SPG21: variants seen among roughly 807,000 people sequenced by gnomAD.
SPG21 encodes the protein SPG21 abhydrolase domain containing, maspardin, also known as maspardin.
Under a neutral mutation model 38.9 loss-of-function variants are expected in SPG21, and 26 were observed. The ratio of observed to expected loss-of-function variants is 0.67; its 90% CI spans 0.49 to 0.93. The LOEUF (loss-of-function observed/expected upper bound fraction) is 0.93, where lower values mean the gene tolerates loss of function less well. Among genes scored for constraint, SPG21 ranks in the 40% least tolerant of loss-of-function variants. The probability of loss-of-function intolerance (pLI) is 0.00; values close to 1 mark genes in which losing one functional copy is unlikely to be tolerated. For missense variants in SPG21, 333 were observed against 376.5 expected (o/e 0.88, Z 0.96); for synonymous variants, 136 against 128.9 (o/e 1.05, Z -0.37).
intron 7 of SPG21, 126 bp downstream of exon 7, chr15:64,969,129 G>T: frequency 1.4e-6 from 1 of 703,472 alleles, no homozygotes; most frequent in South Asian, 1.6e-5. Flanking sequence ...AAAGCTGGAG[G>T]GTAAAAACAA....
chr15:64,965,247 C>T lies in SPG21; in HGVS notation c.810+73G>A, dbSNP rs1397143060. ...GTAGTTCACTGATTCCCTAACTAGT[C>T]CATTAAAAGAAGTCTTTATGTTGCA... On this transcript the variant is annotated intron_variant, in intron 8 of 8. Transcript: ENST00000204566. The T allele has an allele frequency of 1.2e-5, 19 of 1,585,866 alleles. No homozygotes were observed. In the Admixed American group the frequency reaches 3.0e-4, roughly 25 times the overall value.
chr15:64,973,942 A>G (rs2085723899), intron 5 of SPG21, among the ~76,000 whole-genome samples: 1 of 152,230 alleles, frequency 6.6e-6, no homozygotes, highest in Non-Finnish European at 1.5e-5. Context: ...GAATTGGGAA[A>G]AGCCAAATGC....
chr15:64,980,680 G>C (rs2085865901), intron 3 of SPG21, among the ~76,000 whole-genome samples, 184 bp downstream of exon 3: 1 of 152,090 alleles, frequency 6.6e-6, no homozygotes, highest in African/African-American at 2.4e-5. Context: ...GGAGGTTGCA[G>C]TGAGCAGAGA....
rs568885249 is a variant in SPG21 at position 64,986,416 on chromosome 15, C to T, written c.-24-2823G>A. Reference sequence around the variant, plus strand: ...TGTTAAAAAATTTTGCCAGGCGCGGCGGCTCACACCTGTAATCCCAGCAGT... The same window carrying T: ...TGTTAAAAAATTTTGCCAGGCGCGGTGGCTCACACCTGTAATCCCAGCAGT... On this transcript the variant is annotated intron_variant, in intron 1 of 8. Coordinates refer to ENST00000204566, the MANE Select transcript of SPG21 (RefSeq NM_016630.7). Among the ~76,000 whole-genome samples, 463 of 143,864 alleles carry T rather than the reference C, an allele frequency of 3.2e-3. 2 individuals are homozygous for T. The Middle Eastern group carries it at 0.059, about 18-fold the overall frequency. 94.4% of individuals were successfully genotyped at this position (143,864 alleles called of 152,430 possible). A position where few individuals can be genotyped will look rare whatever the true frequency, so the allele number is the denominator to read the frequency against.
rs2086077142 is a variant in SPG21 at position 64,989,734 on chromosome 15, G to A, written c.-94C>T. The A allele has an allele frequency of 6.6e-6, 1 of 152,538 alleles. No individual in the cohort carries two copies. The highest frequency in any genetic ancestry group is 1.5e-5 in the Non-Finnish European group (1 of 68,316). 9.4% of individuals were successfully genotyped at this position (152,538 alleles called of 1,614,324 possible). On this transcript the variant is annotated 5_prime_UTR_variant, in exon 1 of 9. Coordinates refer to ENST00000204566, the MANE Select transcript of SPG21 (RefSeq NM_016630.7). ...GCTCTTCGCTCCAGTACGAGCGCGG[G>A]CCGTGGAGGCGGCTGGGCCCGGGTC... is the stretch of plus-strand genomic sequence containing the variant.
intron 8 of SPG21, among the ~76,000 whole-genome samples, chr15:64,965,051 A>G (rs2085515716): frequency 6.6e-6 from 1 of 152,222 alleles, no homozygotes; most frequent in South Asian, 2.1e-4. Flanking sequence ...GCAAGGTCAC[A>G]TCATACCAAT....
chr15:64,982,483 T>C (rs756550896), intron 2 of SPG21, among the ~76,000 whole-genome samples: 4 of 152,194 alleles, frequency 2.6e-5, no homozygotes, highest in Non-Finnish European at 4.4e-5. Context: ...AGTTTCGCTA[T>C]GTTGCCCAGG....
chr15:64,976,381 C>T (rs771026277), intron 4 of SPG21, 94 bp downstream of exon 4: 51 of 849,288 alleles, frequency 6.0e-5, no homozygotes, highest in Non-Finnish European at 9.4e-5. Context: ...GCCGAGATCG[C>T]GCCACTGCAC....
At position 64,963,552 on chromosome 15, in the gene SPG21, C is replaced by G. The variant is rs1026131268; in HGVS notation, c.*68G>C. On this transcript the variant is annotated 3_prime_UTR_variant, in exon 9 of 9. Coordinates refer to ENST00000204566, the MANE Select transcript of SPG21 (RefSeq NM_016630.7). ...GAACCTGAAGGAAAAGGCTGGCTGA[C>G]GGGTGCTGATGCCACTGACTATACA... is the stretch of plus-strand genomic sequence containing the variant. 7.5e-7 allele frequency: 1 copy of G among 1,332,072 alleles called. No homozygotes were observed. Among genetic ancestry groups the G allele is most frequent in the African/African-American group, 1.4e-5 (1 of 69,352 alleles). 82.5% of individuals were successfully genotyped at this position (1,332,072 alleles called of 1,614,324 possible). A position where few individuals can be genotyped will look rare whatever the true frequency, so the allele number is the denominator to read the frequency against.
At chr15:64,970,088 C>T in intron 6 of SPG21, 26 bp downstream of exon 6, 3 of 1,559,284 alleles carry the variant, frequency 1.9e-6, no homozygotes, top group Non-Finnish European at 2.7e-6. Context: ...TACAATGTGT[C>T]CCCAACCCAA....
In SPG21 at chr15:64,964,639, C is replaced by CT. The variant is rs528465945; in HGVS notation, c.810+680dup. ...GTTTGTTAGGGCTTTCTTTTCTTTT[C>CT]TTTTTTTTTGAGACGGAGTCTTGTT... On this transcript the variant is annotated intron_variant, in intron 8 of 8. Coordinates refer to ENST00000204566, the MANE Select transcript of SPG21 (RefSeq NM_016630.7). Among the ~76,000 whole-genome samples, 1,021 of 134,296 alleles carry CT rather than the reference C, an allele frequency of 7.6e-3. 2 individuals carry two copies. The highest frequency in any genetic ancestry group is 0.012 in the Non-Finnish European group (788 of 66,874). The allele number at this position is 134,296 out of a possible 152,430, so 88.1% of individuals were successfully genotyped here. A position where few individuals can be genotyped will look rare whatever the true frequency, so the allele number is the denominator to read the frequency against.
At chr15:64,981,284 T>A in intron 2 of SPG21, 3 of 348,636 alleles carry the variant, frequency 8.6e-6, no homozygotes, top group Non-Finnish European at 1.1e-5. Flanking sequence ...TTCTTCCCCC[T>A]CCTCCTTTTT....
intron 1 of SPG21, chr15:64,987,322 G>A (rs1478354650): frequency 4.6e-5 from 7 of 152,182 alleles, no homozygotes; most frequent in Non-Finnish European, 7.3e-5. Flanking sequence ...TACATGAAAG[G>A]TAAAATGGAT....
At chr15:64,974,496 G>T in intron 5 of SPG21, 106 bp downstream of exon 5, 1 of 1,345,274 alleles carries the variant, frequency 7.4e-7, no homozygotes, top group Non-Finnish European at 1.0e-6. Flanking sequence ...CAAGGAAGTT[G>T]CAGAATATAG....
chr15:64,981,163 A>G (rs1045550878), intron 2 of SPG21, 138 bp from the exon 3 acceptor site: 1 of 965,276 alleles, frequency 1.0e-6, no homozygotes, highest in South Asian at 1.5e-5. Flanking sequence ...ACACCAGATT[A>G]GCATGCATGA....
In SPG21 at chr15:64,965,452, ATC is replaced by A. The variant is rs1310174585; in HGVS notation, c.676_677del (p.Asp226SerfsTer7). The A allele has an allele frequency of 1.1e-5, 17 of 1,614,094 alleles. No homozygotes were observed. The highest frequency in any genetic ancestry group is 1.4e-5 in the Non-Finnish European group (17 of 1,180,044). ...TAGCTTCAGTTGAAAGCGCACTCTGATCAAACACCTTTAAAAAACACAAAGCT... is the reference window on the plus strand; with the variant it reads ...TAGCTTCAGTTGAAAGCGCACTCTGAAAACACCTTTAAAAAACACAAAGCT... ...DIPVTIMDVFDQSALSTEAKE... is the reference protein window; with the variant it reads ...DIPVTIMDVFXQSALSTEAKE... On this transcript the variant is annotated frameshift_variant, in exon 8 of 9. Transcript: ENST00000204566. LOFTEE classifies it high-confidence loss of function.
At chr15:64,976,333 G>A in intron 4 of SPG21, 142 bp downstream of exon 4, 2 of 610,890 alleles carry the variant, frequency 3.3e-6, no homozygotes, top group Non-Finnish European at 6.0e-6. Flanking sequence ...ACTGAGGCAG[G>A]AGAATCACTT....
chr15:64,970,150 A>T lies in SPG21; in HGVS notation c.525T>A (p.Pro175=). 6.2e-7 allele frequency: 1 copy of T among 1,614,152 alleles called. No homozygotes were observed. The highest frequency in any genetic ancestry group is 1.1e-5 in the South Asian group (1 of 91,090). Residue 175 remains proline (P), a synonymous_variant, in exon 6 of 9, where the codon CCT becomes CCA. Coordinates refer to ENST00000204566, the MANE Select transcript of SPG21 (RefSeq NM_016630.7). ...TGAAATCAATGGCATCAGCCATCATAGGGTCCACCGGGCCAGATGAAAAAT... is the reference window on the plus strand; with the variant it reads ...TGAAATCAATGGCATCAGCCATCATTGGGTCCACCGGGCCAGATGAAAAAT... ...LGNFSSGPVD[P]MMADAIDFMV...
chr15:64,983,428 A>G, intron 2 of SPG21, 79 bp downstream of exon 2: 1 of 1,026,302 alleles, frequency 9.7e-7, no homozygotes, highest in South Asian at 1.4e-5. Context: ...CTCAAACACT[A>G]CTAAGACATG....
Sources: allele counts gnomAD v4.1 joint callset (sites outside exome capture counted in the v4.1 genomes callset), GRCh38; gene constraint gnomAD v4.1.1; transcripts MANE v1.5; gene names NCBI Gene and HGNC (gene_info 2026-07-23, HGNC 2026-07-21).